Variants in FHOD3 observed in about 807,000 individuals in gnomAD.
FHOD3 encodes the protein formin homology 2 domain containing 3, also known as FH1/FH2 domain-containing protein 3.
A neutral mutation model predicts 173.0 loss-of-function variants in FHOD3; 90 were observed. That is an observed-to-expected ratio of 0.52 (90% confidence interval 0.44 to 0.62). The LOEUF is 0.62. Ranked by LOEUF, FHOD3 falls within the 20% of genes least tolerant of loss-of-function variation. The pLI, the probability that FHOD3 is intolerant of heterozygous loss-of-function variation, is 0.00. For missense variants in FHOD3, 1,945 were observed against 2,034.7 expected (o/e 0.96, Z 0.85); for synonymous variants, 828 against 823.0 (o/e 1.01, Z -0.10).
At position 36,763,585 on chromosome 18, in the gene FHOD3, T is replaced by C. The variant is rs1295516843; in HGVS notation, c.4624+2803T>C. 4.2e-4 allele frequency among the ~76,000 whole-genome samples: 62 copies of C among 147,832 alleles called. 1 individual carries two copies. The highest frequency in any genetic ancestry group is 3.0e-5 in the Non-Finnish European group (2 of 67,206). On this transcript the variant is annotated intron_variant, in intron 27 of 28. Coordinates refer to ENST00000590592, the MANE Select transcript of FHOD3 (RefSeq NM_001281740.3). ...TGTATTATACACGTTATATATAATA[T>C]GTGTATTATACACGTTATATATAAT...
chr18:36,695,749 C>T (rs1365774079), intron 17 of FHOD3, among the ~76,000 whole-genome samples: 1 of 152,196 alleles, frequency 6.6e-6, no homozygotes, highest in Non-Finnish European at 1.5e-5. Context: ...AGACATTGGC[C>T]TTTATGACAG....
chr18:36,369,078 A>G (rs947532298), intron 2 of FHOD3, among the ~76,000 whole-genome samples: 5 of 152,178 alleles, frequency 3.3e-5, no homozygotes, highest in Admixed American at 2.6e-4. Flanking sequence ...AACTATTATT[A>G]TTTCTGAGCC....
At chr18:36,733,615 C>T (rs1286609351) in intron 20 of FHOD3, among the ~76,000 whole-genome samples, 1 of 152,200 alleles carries the variant, frequency 6.6e-6, no homozygotes, top group Non-Finnish European at 1.5e-5. Context: ...TACTCAGATT[C>T]TAGAATGAAC....
chr18:36,396,249 G>A (rs937333409), intron 3 of FHOD3, among the ~76,000 whole-genome samples: 1 of 152,064 alleles, frequency 6.6e-6, no homozygotes, highest in African/African-American at 2.4e-5. Context: ...CAAATACATG[G>A]GGGATCTTTT....
At chr18:36,600,909 C>T (rs982755458) in intron 7 of FHOD3, among the ~76,000 whole-genome samples, 2 of 152,238 alleles carry the variant, frequency 1.3e-5, no homozygotes, top group African/African-American at 4.8e-5. Context: ...GGGTAACTCA[C>T]TACAACATGT....
intron 3 of FHOD3, among the ~76,000 whole-genome samples, chr18:36,406,724 CG>C (rs1568230305): frequency 1.3e-5 from 2 of 152,108 alleles, no homozygotes; most frequent in African/African-American, 4.8e-5. Flanking sequence ...CATATTCTGG[CG>C]GGCAGCTTGA....
At chr18:36,687,229 C>T in intron 16 of FHOD3, 51 bp downstream of exon 16, 1 of 1,325,552 alleles carries the variant, frequency 7.5e-7, no homozygotes. Flanking sequence ...TGACTTTGCA[C>T]TGTTAACCTA....
intron 3 of FHOD3, among the ~76,000 whole-genome samples, chr18:36,430,899 G>A (rs947272893): frequency 1.3e-5 from 2 of 152,048 alleles, no homozygotes; most frequent in Admixed American, 1.3e-4. Flanking sequence ...AGACCAACTG[G>A]ATGCCAAAAA....
intron 14 of FHOD3, among the ~76,000 whole-genome samples, chr18:36,675,619 C>G (rs984012958): frequency 2.0e-5 from 3 of 152,152 alleles, no homozygotes; most frequent in African/African-American, 7.2e-5. Context: ...TCAGCTGTTG[C>G]CAGTGGGAAG....
intron 3 of FHOD3, among the ~76,000 whole-genome samples, chr18:36,500,297 T>G (rs1288345345): frequency 6.6e-6 from 1 of 152,210 alleles, no homozygotes; most frequent in Non-Finnish European, 1.5e-5. Context: ...AATACTGAGC[T>G]TTACCTATCT....
intron 10 of FHOD3, among the ~76,000 whole-genome samples, chr18:36,642,159 G>T (rs1322671938): frequency 2.0e-5 from 3 of 152,072 alleles, no homozygotes; most frequent in Non-Finnish European, 4.4e-5. Context: ...TGGGAGGAAC[G>T]AGAGGAAGAG....
chr18:36,523,432 C>G (rs564265958), intron 5 of FHOD3, among the ~76,000 whole-genome samples: 1 of 152,300 alleles, frequency 6.6e-6, no homozygotes, highest in African/African-American at 2.4e-5. Flanking sequence ...ATCAGTGGTG[C>G]CTTTCTGGAG....
At chr18:36,602,557 TG>T (rs1274949943) in intron 7 of FHOD3, 116 bp from the exon 8 acceptor site, 1 of 780,180 alleles carries the variant, frequency 1.3e-6, no homozygotes, top group African/African-American at 1.7e-5. Context: ...CTTTGAAATT[TG>T]GTGACTGAAA....
chr18:36,681,852 A>C (rs770618781), intron 15 of FHOD3, among the ~76,000 whole-genome samples: 1 of 152,286 alleles, frequency 6.6e-6, no homozygotes, highest in South Asian at 2.1e-4. Context: ...GGCCCTCCGG[A>C]TGACAGAGAG....
At position 36,738,989 on chromosome 18, in the gene FHOD3, C is replaced by A. The variant is rs73949886; in HGVS notation, c.3577-1667C>A. 3.1e-3 allele frequency among the ~76,000 whole-genome samples: 465 copies of A among 152,196 alleles called. 2 individuals carry two copies. The highest frequency in any genetic ancestry group is 0.011 in the African/African-American group (447 of 41,522). ...GCAGGACTTGTTTTCTGGTCCCAAC[C>A]CTGATGACCAAAACAGGATCTGGTT... On this transcript the variant is annotated intron_variant, in intron 20 of 28. Coordinates refer to ENST00000590592, the MANE Select transcript of FHOD3 (RefSeq NM_001281740.3).
At chr18:36,368,255 T>A (rs2047000592) in intron 2 of FHOD3, among the ~76,000 whole-genome samples, 1 of 152,168 alleles carries the variant, frequency 6.6e-6, no homozygotes. Context: ...TATATTCCTG[T>A]CTTAAAGCTC....
At position 36,718,555 on chromosome 18, in the gene FHOD3, T is replaced by A; in HGVS notation, c.3257T>A (p.Ile1086Asn). The A allele has an allele frequency of 6.2e-7, 1 of 1,614,056 alleles. No individual in the cohort carries two copies. The highest frequency in any genetic ancestry group is 8.5e-7 in the Non-Finnish European group (1 of 1,180,030). Reference sequence around the variant, plus strand: ...ACATTCACTAAGAAAAAGAAGACCATCCGTTTGTTCTGGAATGAAGTTCGG... The same window carrying A: ...ACATTCACTAAGAAAAAGAAGACCAACCGTTTGTTCTGGAATGAAGTTCGG... ...QPTFTKKKKTIRLFWNEVRPF... is the reference protein window; with the variant it reads ...QPTFTKKKKTNRLFWNEVRPF... The change falls in exon 19 of 29, where the codon ATC becomes AAC. Residue 1086 changes from isoleucine to asparagine, a missense_variant. By Grantham distance (149) the Ile-to-Asn change is moderately radical (BLOSUM62 -3). Transcript: ENST00000590592.
At chr18:36,761,605 C>T (rs1176921762) in intron 27 of FHOD3, among the ~76,000 whole-genome samples, 1 of 152,138 alleles carries the variant, frequency 6.6e-6, no homozygotes, top group African/African-American at 2.4e-5. Flanking sequence ...TCATGCTGCT[C>T]CCTCAGTTCA....
rs556749874 is a variant in FHOD3, at chr18:36,735,444, T to C, written c.3576+4640T>C. Reference sequence around the variant, plus strand: ...ATGGTTGAATTTATTCACTATTAATTTGAATCCCTATGAACTATGGAGCTA... The same window carrying C: ...ATGGTTGAATTTATTCACTATTAATCTGAATCCCTATGAACTATGGAGCTA... On this transcript the variant is annotated intron_variant, in intron 20 of 28. Coordinates refer to ENST00000590592, the MANE Select transcript of FHOD3 (RefSeq NM_001281740.3). 9.8e-5 allele frequency among the ~76,000 whole-genome samples: 15 copies of C among 152,342 alleles called. No individual in the cohort carries two copies. In the South Asian group the frequency reaches 3.1e-3, roughly 32 times the overall value.
Sources: allele counts gnomAD v4.1 joint callset (sites outside exome capture counted in the v4.1 genomes callset), GRCh38; gene constraint gnomAD v4.1.1; transcripts MANE v1.5; gene names NCBI Gene and HGNC (gene_info 2026-07-23, HGNC 2026-07-21).